The following CSMD1 variants were observed in gnomAD, a reference collection of about 807,000 sequenced individuals.
CSMD1 encodes the protein CUB and sushi domain-containing protein 1.
CSMD1 carries 213 observed loss-of-function variants against 417.5 expected under a neutral mutation model. The observed-to-expected ratio is 0.51, with a 90% confidence interval of 0.46 to 0.57. The LOEUF (loss-of-function observed/expected upper bound fraction) is 0.57. CSMD1 is among the 20% of genes least tolerant of loss of function. CSMD1 has a pLI of 0.00. For synonymous variants in CSMD1, 2,862 were observed against 1,736.8 expected (o/e 1.65, Z -16.11); for missense variants, 6,923 against 4,529.7 (o/e 1.53, Z -15.17).
At position 3,199,788 on chromosome 8, in the gene CSMD1, G is replaced by T. The variant is rs763081825; in HGVS notation, c.5120C>A (p.Thr1707Lys). The T allele has an allele frequency of 1.3e-6, 2 of 1,576,828 alleles. No homozygotes were observed. Among genetic ancestry groups the T allele is most frequent in the Non-Finnish European group, 1.7e-6 (2 of 1,160,566 alleles). ...SHSGETLPLA[T>K]SNQILLRFSA... ...GAATCGGAGCAGAATTTGATTTGAC[G>T]TAGCCAAGGGCAATGTTTCCCCTAG... is the stretch of plus-strand genomic sequence containing the variant. The change falls in exon 33 of 70, where the codon ACG becomes AAG. Residue 1707 changes from threonine (T) to lysine (K), a missense_variant. Physicochemically the swap from Thr to Lys is moderately conservative, Grantham distance 78. Coordinates refer to ENST00000635120, the MANE Select transcript of CSMD1 (RefSeq NM_033225.6).
At chr8:3,207,752 G>A (rs971553300) in intron 30 of CSMD1, among the ~76,000 whole-genome samples, 1 of 152,120 alleles carries the variant, frequency 6.6e-6, no homozygotes, top group Non-Finnish European at 1.5e-5. Context: ...TTTAAGCAGA[G>A]ATTTTACTTA....
At chr8:3,398,065 G>A (rs1056721439) in intron 16 of CSMD1, among the ~76,000 whole-genome samples, 1 of 152,126 alleles carries the variant, frequency 6.6e-6, no homozygotes. Flanking sequence ...AATACTGAAT[G>A]AATGAGATTG....
chr8:4,295,986 A>T (rs967634128), intron 3 of CSMD1, among the ~76,000 whole-genome samples: 3 of 151,838 alleles, frequency 2.0e-5, no homozygotes, highest in East Asian at 3.9e-4. Context: ...ACAAACAAAA[A>T]CAAAAACCTA....
chr8:4,563,973 T>A (rs192383484), intron 2 of CSMD1, among the ~76,000 whole-genome samples: 1 of 152,326 alleles, frequency 6.6e-6, no homozygotes, highest in Admixed American at 6.5e-5. Context: ...TTTTAGCTGT[T>A]GAACATCTGC....
chr8:4,715,483 T>C (rs971925941), intron 1 of CSMD1, among the ~76,000 whole-genome samples: 1 of 152,174 alleles, frequency 6.6e-6, no homozygotes, highest in Non-Finnish European at 1.5e-5. Flanking sequence ...ATACCACATA[T>C]AAATTGATAA....
chr8:3,023,402 C>T (rs899139583), intron 51 of CSMD1, among the ~76,000 whole-genome samples: 1 of 152,112 alleles, frequency 6.6e-6, no homozygotes, highest in African/African-American at 2.4e-5. Flanking sequence ...GTAAGTCGAA[C>T]AATAAATAAA....
intron 37 of CSMD1, among the ~76,000 whole-genome samples, chr8:3,166,574 C>A (rs1820230618): frequency 6.6e-6 from 1 of 152,056 alleles, no homozygotes; most frequent in Non-Finnish European, 1.5e-5. Flanking sequence ...TGCTAATCAA[C>A]AAGTCTGCCT....
At chr8:3,613,299 C>G (rs749776994) in intron 8 of CSMD1, 5 of 420,634 alleles carry the variant, frequency 1.2e-5, no homozygotes, top group South Asian at 5.2e-5. Context: ...AATTCCAATT[C>G]CAGGTAGCTT....
At chr8:3,382,481 A>C (rs1810695353) in intron 18 of CSMD1, among the ~76,000 whole-genome samples, 1 of 137,848 alleles carries the variant, frequency 7.3e-6, no homozygotes. Context: ...TATAATCTAT[A>C]TATTTAATTA....
chr8:4,765,182 A>T (rs1312036610), intron 1 of CSMD1, among the ~76,000 whole-genome samples: 1 of 152,088 alleles, frequency 6.6e-6, no homozygotes, highest in Non-Finnish European at 1.5e-5. Flanking sequence ...ATTTTTTAGA[A>T]ACTGTGTTCT....
rs1299430622 is a variant in CSMD1 at position 3,396,274 on chromosome 8, A to AT, written c.2512dup (p.Ile838AsnfsTer14). On this transcript the variant is annotated frameshift_variant, in exon 17 of 70. Transcript: ENST00000635120. LOFTEE classifies it high-confidence loss of function. ...CAGGTACATGAAGTTCCCGGTGCTG[A>AT]TGAGGAACTGGGGTGCCTGGGTGCC... 6.3e-7 allele frequency: 1 copy of AT among 1,596,470 alleles called. No homozygotes were observed. Among genetic ancestry groups the AT allele is most frequent in the African/African-American group, 1.3e-5 (1 of 74,682 alleles).
At chr8:4,889,596 G>C (rs1018543444) in intron 1 of CSMD1, among the ~76,000 whole-genome samples, 3 of 151,530 alleles carry the variant, frequency 2.0e-5, no homozygotes, top group Non-Finnish European at 4.4e-5. Flanking sequence ...CAAAAAAATA[G>C]AAAAAAAACC....
At chr8:4,308,401 A>ATG (rs944010714) in intron 3 of CSMD1, among the ~76,000 whole-genome samples, 13 of 150,516 alleles carry the variant, frequency 8.6e-5, no homozygotes, top group African/African-American at 2.2e-4. Context: ...GTATTCGTGC[A>ATG]TGTGTGTGTG....
intron 5 of CSMD1, among the ~76,000 whole-genome samples, chr8:3,757,801 A>T (rs28779033): frequency 0.2 from 29,971 of 151,708 alleles, 3,387 homozygotes; most frequent in South Asian, 0.29. Context: ...GTGAGTTGAG[A>T]TCACACCATC....
chr8:4,456,059 CAAAAAAAA>C (rs34519287), intron 2 of CSMD1, among the ~76,000 whole-genome samples: 41 of 118,456 alleles, frequency 3.5e-4, no homozygotes, highest in East Asian at 2.4e-4. Flanking sequence ...TATCATTGAC[CAAAAAAAA>C]AAAAAAAAAA....
intron 6 of CSMD1, among the ~76,000 whole-genome samples, chr8:3,752,676 C>CAAAAA (rs200769696): frequency 0.013 from 1,293 of 96,666 alleles, 80 homozygotes; most frequent in East Asian, 0.02. Context: ...CCCCGCCTGG[C>CAAAAA]AAAAAAAAAA....
rs374020009 is a variant in CSMD1 at position 3,466,939 on chromosome 8, A to C, written c.1561+1773T>G. On this transcript the variant is annotated intron_variant, in intron 12 of 69. Coordinates refer to ENST00000635120, the MANE Select transcript of CSMD1 (RefSeq NM_033225.6). ...AAATCCTCAAATGTTGTATTGGTTAATGGTTTTAATTACCTTTTTGCCTTT... is the reference window on the plus strand; with the variant it reads ...AAATCCTCAAATGTTGTATTGGTTACTGGTTTTAATTACCTTTTTGCCTTT... 8.7e-4 allele frequency among the ~76,000 whole-genome samples: 132 copies of C among 152,212 alleles called. 1 individual carries two copies. The South Asian group carries it at 0.015, about 18-fold the overall frequency.
chr8:4,159,350 T>C (rs1418214763), intron 3 of CSMD1, among the ~76,000 whole-genome samples: 1 of 152,208 alleles, frequency 6.6e-6, no homozygotes, highest in Non-Finnish European at 1.5e-5. Context: ...GGAGGAAATA[T>C]TTTTATTTGT....
intron 3 of CSMD1, among the ~76,000 whole-genome samples, chr8:4,152,909 T>C (rs1029023299): frequency 2.0e-5 from 3 of 152,126 alleles, no homozygotes; most frequent in Admixed American, 2.0e-4. Flanking sequence ...TCTCAAAAAC[T>C]TTATGAAAGG....
Sources: gnomAD v4.1 joint callset for allele counts (sites outside exome capture counted in the v4.1 genomes callset) on GRCh38, gnomAD v4.1.1 for gene constraint, MANE v1.5 for transcripts, NCBI Gene and HGNC (gene_info 2026-07-23, HGNC 2026-07-21) for gene names.